Variants in NBDY observed in about 807,000 individuals in gnomAD.
NBDY encodes negative regulator of P-body association.
intron 2 of NBDY, among the ~76,000 whole-genome samples, chrX:56,800,419 G>A (rs1396227493): frequency 9.0e-6 from 1 of 111,385 alleles, no homozygotes; most frequent in Non-Finnish European, 1.9e-5. Context: ...TGGCTTCCCA[G>A]TATTTGCTGG....
At chrX:56,741,402 T>G (rs893852198) in intron 2 of NBDY, among the ~76,000 whole-genome samples, 1 of 111,808 alleles carries the variant, frequency 8.9e-6, no homozygotes, top group Non-Finnish European at 1.9e-5. Flanking sequence ...TTTTTAGTTT[T>G]TTGAGGAATC....
chrX:56,815,435 T>G (rs924852122), intron 2 of NBDY, among the ~76,000 whole-genome samples: 4 of 112,220 alleles, frequency 3.6e-5, no homozygotes, highest in African/African-American at 1.3e-4. Flanking sequence ...ACATATACTA[T>G]GTTTTCTTTA....
At chrX:56,792,100 C>T (rs766673644) in intron 2 of NBDY, among the ~76,000 whole-genome samples, 1 of 110,698 alleles carries the variant, frequency 9.0e-6, no homozygotes, top group South Asian at 3.8e-4. Flanking sequence ...CTTGGTTATG[C>T]TGGATGTCTG....
intron 2 of NBDY, among the ~76,000 whole-genome samples, chrX:56,733,815 A>G (rs775289250): frequency 2.1e-4 from 24 of 112,133 alleles, no homozygotes; most frequent in Admixed American, 1.8e-3. Context: ...TCATCCATCA[A>G]GCTGTCAAGG....
At chrX:56,808,177 G>C (rs897390838) in intron 2 of NBDY, among the ~76,000 whole-genome samples, 2 of 111,758 alleles carry the variant, frequency 1.8e-5, no homozygotes, top group African/African-American at 6.5e-5. Flanking sequence ...ACTTGATCGT[G>C]GTGGATAAGC....
At chrX:56,793,912 G>T (rs768305777) in intron 2 of NBDY, among the ~76,000 whole-genome samples, 1 of 112,101 alleles carries the variant, frequency 8.9e-6, no homozygotes, top group South Asian at 3.7e-4. Context: ...TTTCCTCCCG[G>T]GAGGGTAGGG....
chrX:56,801,745 A>G (rs1484609105), intron 2 of NBDY, among the ~76,000 whole-genome samples: 1 of 110,677 alleles, frequency 9.0e-6, no homozygotes, highest in Non-Finnish European at 1.9e-5. Context: ...AGCCATGTGA[A>G]CACAACGATC....
chrX:56,767,699 G>T (rs2069674808), intron 2 of NBDY, among the ~76,000 whole-genome samples: 1 of 112,500 alleles, frequency 8.9e-6, no homozygotes, highest in Non-Finnish European at 1.9e-5. Context: ...TTATAATTAT[G>T]TTTTCTCCTT....
chrX:56,766,991 T>C (rs2069669311), intron 2 of NBDY, among the ~76,000 whole-genome samples: 1 of 112,712 alleles, frequency 8.9e-6, no homozygotes. Flanking sequence ...TGTCTATCCG[T>C]TCTTCGGACC....
chrX:56,733,150 C>T (rs1440140905), intron 2 of NBDY, among the ~76,000 whole-genome samples: 2 of 109,808 alleles, frequency 1.8e-5, no homozygotes, highest in African/African-American at 3.3e-5. Flanking sequence ...GTATTTTTAT[C>T]ATTCAATATT....
At chrX:56,767,403 C>G (rs1296929679) in intron 2 of NBDY, among the ~76,000 whole-genome samples, 1 of 113,425 alleles carries the variant, frequency 8.8e-6, no homozygotes, top group African/African-American at 3.2e-5. Context: ...CCTTGAGGAG[C>G]CCCTCAGCCC....
At chrX:56,785,951 A>G (rs1046467171) in intron 2 of NBDY, among the ~76,000 whole-genome samples, 5 of 111,064 alleles carry the variant, frequency 4.5e-5, no homozygotes, top group Admixed American at 1.9e-4. Flanking sequence ...TTGCGGGGAC[A>G]CCCTCAGGGA....
chrX:56,798,291 CAG>C (rs2069803940), intron 2 of NBDY, among the ~76,000 whole-genome samples: 1 of 112,159 alleles, frequency 8.9e-6, no homozygotes, highest in Non-Finnish European at 1.9e-5. Flanking sequence ...CAGATAGAGG[CAG>C]AGAGAGTCCT....
At chrX:56,812,022 C>A (rs1466503911) in intron 2 of NBDY, among the ~76,000 whole-genome samples, 3 of 111,135 alleles carry the variant, frequency 2.7e-5, no homozygotes, top group Non-Finnish European at 5.7e-5. Flanking sequence ...TGACACCTTG[C>A]ACTTTCTTGG....
chrX:56,765,502 C>T (rs1345997275), intron 2 of NBDY, among the ~76,000 whole-genome samples: 1 of 111,840 alleles, frequency 8.9e-6, no homozygotes, highest in Admixed American at 9.4e-5. Context: ...AAGACGCTTC[C>T]TGGTTGTGTG....
chrX:56,739,238 G>GTATGTA (rs2069515759), intron 2 of NBDY, among the ~76,000 whole-genome samples: 2 of 59,632 alleles, frequency 3.4e-5, no homozygotes, highest in African/African-American at 7.0e-5. Context: ...GTTTGTGTGT[G>GTATGTA]TATATATATA....
At chrX:56,730,239 G>A (rs1372439790) in intron 1 of NBDY, among the ~76,000 whole-genome samples, 1 of 109,056 alleles carries the variant, frequency 9.2e-6, no homozygotes, top group Non-Finnish European at 1.9e-5. Context: ...TAGGGGGGCG[G>A]ACGCGGTGGC....
chrX:56,750,522 G>A lies in NBDY; in HGVS notation c.*166+18323G>A, dbSNP rs780450114. 3.6e-5 allele frequency among the ~76,000 whole-genome samples: 4 copies of A among 110,812 alleles called. No homozygotes were observed. In the East Asian group the frequency reaches 1.1e-3, roughly 32 times the overall value. On this transcript the variant is annotated intron_variant, in intron 2 of 2. Transcript: ENST00000374922. Reference sequence around the variant, plus strand: ...TCTGTATTTCTAGCACAAGCTTTATGCCAGGCTCAAACTCATATAGTCACC... The same window carrying A: ...TCTGTATTTCTAGCACAAGCTTTATACCAGGCTCAAACTCATATAGTCACC...
At chrX:56,788,408 C>T (rs1412443299) in intron 2 of NBDY, among the ~76,000 whole-genome samples, 1 of 112,708 alleles carries the variant, frequency 8.9e-6, no homozygotes, top group African/African-American at 3.2e-5. Flanking sequence ...GGGCACAAAA[C>T]AGATGGTGGC....
Sources: gnomAD v4.1 joint callset for allele counts (sites outside exome capture counted in the v4.1 genomes callset) on GRCh38, gnomAD v4.1.1 for gene constraint, MANE v1.5 for transcripts, NCBI Gene and HGNC (gene_info 2026-07-23, HGNC 2026-07-21) for gene names.